TMEM131L: variants seen among roughly 807,000 people sequenced by gnomAD.
TMEM131L encodes the protein transmembrane protein 131-like.
TMEM131L carries 54 observed loss-of-function variants against 192.2 expected under a neutral mutation model. The ratio of observed to expected loss-of-function variants is 0.28; its 90% CI spans 0.23 to 0.35. The LOEUF is 0.35. Among genes scored for constraint, TMEM131L ranks in the 10% least tolerant of loss-of-function variants. The probability of loss-of-function intolerance (pLI) is 1.00; values close to 1 mark genes in which losing one functional copy is unlikely to be tolerated. For missense variants in TMEM131L, 1,888 were observed against 1,972.9 expected (o/e 0.96, Z 0.82); for synonymous variants, 701 against 704.9 (o/e 0.99, Z 0.09).
Position 153,473,878 on chromosome 4 carries a change from C to G in TMEM131L, c.229C>G (p.Gln77Glu). The G allele has an allele frequency of 1.3e-6, 2 of 1,545,266 alleles. No homozygotes were observed. Among genetic ancestry groups the G allele is most frequent in the South Asian group, 1.2e-5 (1 of 82,428 alleles). Residue 77 changes from glutamine (Q) to glutamate (E), a missense_variant, in exon 3 of 35, where the codon CAA becomes GAA. Transcript: ENST00000409959. ...DSEEGLEEPS[Q>E]EQSFSDKLFS... ...TGAAGAGGGTCTGGAGGAGCCTTCT[C>G]AAGAACAGAGGTAAGGAAAAAATGG...
chr4:153,583,633 A>G lies in TMEM131L; in HGVS notation c.1021A>G (p.Thr341Ala), dbSNP rs763213912. 26 of 1,608,048 alleles carry G rather than the reference A, an allele frequency of 1.6e-5. No homozygotes were observed. Among genetic ancestry groups the G allele is most frequent in the Admixed American group, 1.4e-4 (8 of 58,078 alleles). ...QFEPVLLPTS[T>A]TNFTKIASFT... The stretch of plus-strand genomic sequence containing the variant: ...TGAACCAGTACTACTACCTACTTCT[A>G]CAACAAACTTTACAAAAATTGCTTC... Residue 341 changes from threonine (T) to alanine (A), a missense_variant, in exon 11 of 35, where the codon ACA (threonine) becomes GCA (alanine). Thr to Ala is a moderately conservative substitution (Grantham distance 58, BLOSUM62 0). Transcript: ENST00000409959.
chr4:153,573,656 G>GT (rs1561203989), intron 7 of TMEM131L, among the ~76,000 whole-genome samples: 1 of 152,162 alleles, frequency 6.6e-6, no homozygotes, highest in Admixed American at 6.5e-5. Flanking sequence ...TCTCCCAATT[G>GT]TTTTTTGTCT....
intron 26 of TMEM131L, among the ~76,000 whole-genome samples, chr4:153,615,795 A>G (rs1732934550): frequency 6.6e-6 from 1 of 152,136 alleles, no homozygotes; most frequent in African/African-American, 2.4e-5. Context: ...CCTTCAACCT[A>G]AGATGGCCCT....
chr4:153,634,513 C>CAAAAAGGA (rs1190709857), intron 33 of TMEM131L, among the ~76,000 whole-genome samples: 3 of 152,144 alleles, frequency 2.0e-5, no homozygotes, highest in Admixed American at 6.5e-5. Context: ...CAAAAATAAC[C>CAAAAAGGA]CTAATCCATT....
intron 2 of TMEM131L, among the ~76,000 whole-genome samples, chr4:153,473,548 C>T (rs1731304453): frequency 6.6e-6 from 1 of 152,162 alleles, no homozygotes; most frequent in African/African-American, 2.4e-5. Context: ...AATCCCAGCA[C>T]TTTGGGAGGC....
rs1561215785 is a variant in TMEM131L, at chr4:153,585,621, G to A, written c.1311+10G>A. ...CAAGCACATGTTAAAGGTACATATAGTATTTTTTCCCCAAGTTTTAGCTTA... is the reference window on the plus strand; with the variant it reads ...CAAGCACATGTTAAAGGTACATATAATATTTTTTCCCCAAGTTTTAGCTTA... On this transcript the variant is annotated intron_variant, in intron 13 of 34. Transcript: ENST00000409959. 1 of 1,566,174 alleles carries A rather than the reference G, an allele frequency of 6.4e-7. No homozygotes were observed. Among genetic ancestry groups the A allele is most frequent in the Non-Finnish European group, 8.7e-7 (1 of 1,153,044 alleles).
intron 12 of TMEM131L, 87 bp downstream of exon 12, chr4:153,585,018 G>C: frequency 9.8e-7 from 1 of 1,019,052 alleles, no homozygotes; most frequent in Admixed American, 1.9e-5. Context: ...ATAGTGATAT[G>C]ATTTGTGTGA....
At position 153,621,857 on chromosome 4, in the gene TMEM131L, A is replaced by G. The variant is rs1211641438; in HGVS notation, c.3859+8A>G. 1.9e-6 allele frequency: 3 copies of G among 1,613,500 alleles called. No homozygotes were observed. Among genetic ancestry groups the G allele is most frequent in the Admixed American group, 1.7e-5 (1 of 59,990 alleles). On this transcript the variant is annotated splice_region_variant and intron_variant, in intron 28 of 34. Transcript: ENST00000409959. Reference sequence around the variant, plus strand: ...CTGCCCAGAGAGAGGCAGGTATGTAATGATACTGAGCTACAAATGGTGCTT... The same window carrying G: ...CTGCCCAGAGAGAGGCAGGTATGTAGTGATACTGAGCTACAAATGGTGCTT...
Position 153,592,572 on chromosome 4 carries a change from T to C in TMEM131L, c.1910T>C (p.Leu637Pro), listed in dbSNP as rs774297599. 3 of 1,610,554 alleles carry C rather than the reference T, an allele frequency of 1.9e-6. No homozygotes were observed. The highest frequency in any genetic ancestry group is 1.7e-6 in the Non-Finnish European group (2 of 1,176,670). The change falls in exon 18 of 35, where the codon CTG (leucine) becomes CCG (proline). Residue 637 changes from leucine to proline, a missense_variant. Physicochemically the swap from Leu to Pro is moderately conservative, Grantham distance 98 (BLOSUM62 -3). Transcript: ENST00000409959. The part of the protein sequence containing the change: ...LYPKPEALVH[L>P]LHRWFGTDMQ... ...CCTAAACCCGAAGCCCTAGTGCACC[T>C]GCTCCACAGATGGTATGAAGACTTT...
intron 3 of TMEM131L, among the ~76,000 whole-genome samples, chr4:153,546,229 T>TC (rs1737165887): frequency 6.6e-6 from 1 of 150,814 alleles, no homozygotes; most frequent in Non-Finnish European, 1.5e-5. Context: ...TTTTTTTTTT[T>TC]ACAATTATCT....
chr4:153,545,357 G>A lies in TMEM131L; in HGVS notation c.240-4716G>A, dbSNP rs538514746. Among the ~76,000 whole-genome samples the A allele has an allele frequency of 1.3e-4, 20 of 148,780 alleles. 1 individual carries two copies. The South Asian group carries it at 2.3e-3, about 17-fold the overall frequency. On this transcript the variant is annotated intron_variant, in intron 3 of 34. Coordinates refer to ENST00000409959, the MANE Select transcript of TMEM131L (RefSeq NM_001131007.2). ...GGCTGGAGTGCAGTGGCGCGATCCCGACTCACTGAAAGCTCCGCCTCCCGG... is the reference window on the plus strand; with the variant it reads ...GGCTGGAGTGCAGTGGCGCGATCCCAACTCACTGAAAGCTCCGCCTCCCGG...
In TMEM131L at chr4:153,606,582, C is replaced by T. The variant is rs543210185; in HGVS notation, c.3418+2152C>T. Among the ~76,000 whole-genome samples, 3 of 152,282 alleles carry T rather than the reference C, an allele frequency of 2.0e-5. No homozygotes were observed. The East Asian group carries it at 5.8e-4, about 29-fold the overall frequency. ...GAGCCAAGATGAGCAGGTAATAACA[C>T]TTTAATAAGCGTGAGTAAATTTAAT... On this transcript the variant is annotated intron_variant, in intron 25 of 34. Transcript: ENST00000409959.
chr4:153,496,582 A>G (rs189601580), intron 3 of TMEM131L, among the ~76,000 whole-genome samples: 3 of 152,326 alleles, frequency 2.0e-5, no homozygotes, highest in Admixed American at 1.3e-4. Context: ...TGTTTGAGAC[A>G]GGGTCTCATT....
intron 3 of TMEM131L, among the ~76,000 whole-genome samples, chr4:153,529,916 C>T (rs1463235476): frequency 1.3e-5 from 2 of 152,172 alleles, no homozygotes; most frequent in Admixed American, 6.5e-5. Context: ...GTTCATTTCA[C>T]GAGACCTCAC....
chr4:153,470,401 C>G (rs536495535), intron 2 of TMEM131L, among the ~76,000 whole-genome samples: 32 of 152,122 alleles, frequency 2.1e-4, no homozygotes, highest in Admixed American at 8.5e-4. Flanking sequence ...GATAACTCAG[C>G]ACTATTGTGT....
chr4:153,591,216 A>G, intron 17 of TMEM131L, 22 bp downstream of exon 17: 1 of 1,558,008 alleles, frequency 6.4e-7, no homozygotes, highest in Non-Finnish European at 8.7e-7. Context: ...GTGTCTTTTC[A>G]TTTCTTTGTC....
intron 29 of TMEM131L, among the ~76,000 whole-genome samples, chr4:153,625,799 T>C (rs1175729911): frequency 6.6e-6 from 1 of 151,574 alleles, no homozygotes; most frequent in African/African-American, 2.4e-5. Flanking sequence ...TCCCACCTAC[T>C]TGGGAGGCTG....
intron 26 of TMEM131L, among the ~76,000 whole-genome samples, chr4:153,616,013 C>T (rs560161558): frequency 2.6e-5 from 4 of 152,068 alleles, no homozygotes; most frequent in South Asian, 2.1e-4. Flanking sequence ...TGGGTCTTGC[C>T]GTTTACCTCT....
chr4:153,486,415 T>C (rs1380215862), intron 3 of TMEM131L, among the ~76,000 whole-genome samples: 8 of 152,250 alleles, frequency 5.3e-5, no homozygotes, highest in Admixed American at 5.2e-4. Context: ...GCTTTGGGAT[T>C]ATTTTCAGCA....
Sources: gnomAD v4.1 joint callset for allele counts (sites outside exome capture counted in the v4.1 genomes callset) on GRCh38, gnomAD v4.1.1 for gene constraint, MANE v1.5 for transcripts, NCBI Gene and HGNC (gene_info 2026-07-23, HGNC 2026-07-21) for gene names.